The following SMURF2 variants were observed in gnomAD, a reference collection of about 807,000 sequenced individuals.
The protein encoded by SMURF2 is E3 ubiquitin-protein ligase SMURF2.
In SMURF2, 48 loss-of-function variants were observed where a neutral mutation model predicts 109.6. The observed-to-expected ratio is 0.44, with a 90% confidence interval of 0.35 to 0.56. The LOEUF is 0.56. Among genes scored for constraint, SMURF2 ranks in the 20% least tolerant of loss-of-function variants. SMURF2 has a pLI of 0.01. For synonymous variants in SMURF2, 288 were observed against 317.1 expected (o/e 0.91, Z 0.97); for missense variants, 575 against 909.0 (o/e 0.63, Z 4.72).
At chr17:64,616,642 G>C (rs531493288) in intron 1 of SMURF2, among the ~76,000 whole-genome samples, 38 of 146,374 alleles carry the variant, frequency 2.6e-4, no homozygotes, top group Admixed American at 5.6e-4. Context: ...ACGACAGTGC[G>C]AGACTCTGTC....
At position 64,658,875 on chromosome 17, in the gene SMURF2, G is replaced by C. The variant is rs1394401739; in HGVS notation, c.52+2954C>G. Among the ~76,000 whole-genome samples, 13 of 152,172 alleles carry C rather than the reference G, an allele frequency of 8.5e-5. 1 individual carries two copies. Among genetic ancestry groups the C allele is most frequent in the Admixed American group, 7.9e-4 (12 of 15,260 alleles). Reference sequence around the variant, plus strand: ...ATAGAAACAGTAGTTGAAGTTGATAGTGTTACCATACAGCCCATTTCAATG... The same window carrying C: ...ATAGAAACAGTAGTTGAAGTTGATACTGTTACCATACAGCCCATTTCAATG... On this transcript the variant is annotated intron_variant, in intron 1 of 18. Coordinates refer to ENST00000262435, the MANE Select transcript of SMURF2 (RefSeq NM_022739.4).
intron 16 of SMURF2, among the ~76,000 whole-genome samples, chr17:64,551,370 G>A (rs942378523): frequency 6.8e-6 from 1 of 146,562 alleles, no homozygotes; most frequent in Non-Finnish European, 1.5e-5. Flanking sequence ...AAAAAAAAAA[G>A]AGAGAGAGAG....
chr17:64,589,324 A>T (rs1246217076), intron 5 of SMURF2, among the ~76,000 whole-genome samples: 1 of 152,204 alleles, frequency 6.6e-6, no homozygotes. Context: ...GCATTATGTA[A>T]CATAACAAAT....
chr17:64,575,222 C>T (rs1465278236), intron 9 of SMURF2, among the ~76,000 whole-genome samples: 1 of 151,600 alleles, frequency 6.6e-6, no homozygotes, highest in African/African-American at 2.4e-5. Context: ...GGTGCGATCT[C>T]GGCTCACCAC....
rs1472251357 is a variant in SMURF2 at position 64,547,630 on chromosome 17, C to A, written c.2041G>T (p.Val681Leu). ...LLQFVTGSSR[V>L]PLQGFKALQG... ...AATGCTTTGAAGCCCTGCAGAGGCA[C>A]TCGAGAGGATCCTGTCACAAACTGA... The change falls in exon 17 of 19, where the codon GTG (valine) becomes TTG (leucine). Residue 681 changes from valine (V) to leucine (L), a missense_variant. Physicochemically the swap from Val to Leu is conservative, Grantham distance 32. Transcript: ENST00000262435. This position sits in a 1 kb window ranked among gnomAD's most constrained non-coding sequence, Gnocchi z 4.2. 1 of 1,613,856 alleles carries A rather than the reference C, an allele frequency of 6.2e-7. No homozygotes were observed. Among genetic ancestry groups the A allele is most frequent in the Non-Finnish European group, 8.5e-7 (1 of 1,180,012 alleles).
At chr17:64,600,522 AC>A (rs1251645512) in intron 2 of SMURF2, among the ~76,000 whole-genome samples, 4 of 152,326 alleles carry the variant, frequency 2.6e-5, no homozygotes, top group African/African-American at 9.6e-5. Context: ...TCAAGGACAG[AC>A]AAATCACCTA....
chr17:64,657,285 G>A (rs1287443166), intron 1 of SMURF2, among the ~76,000 whole-genome samples: 1 of 152,138 alleles, frequency 6.6e-6, no homozygotes, highest in Non-Finnish European at 1.5e-5. Flanking sequence ...AGTATTGCTA[G>A]GGGCGAGGGC....
chr17:64,598,503 A>T lies in SMURF2; in HGVS notation c.92-13T>A. 6.3e-7 allele frequency: 1 copy of T among 1,575,956 alleles called. No homozygotes were observed. The highest frequency in any genetic ancestry group is 8.6e-7 in the Non-Finnish European group (1 of 1,160,240). On this transcript the variant is annotated splice_polypyrimidine_tract_variant and intron_variant, in intron 2 of 18. Coordinates refer to ENST00000262435, the MANE Select transcript of SMURF2 (RefSeq NM_022739.4). ...GGATCAGGAAGTCCTGTGAAAAAAG[A>T]TTTTCTAAAATTAATAATTTGACAT... is the stretch of plus-strand genomic sequence containing the variant.
At chr17:64,550,757 CAAAAA>C (rs146307567) in intron 16 of SMURF2, among the ~76,000 whole-genome samples, 5,652 of 69,676 alleles carry the variant, frequency 0.081, 369 homozygotes, top group African/African-American at 0.21. Flanking sequence ...ACTCTGTCTC[CAAAAA>C]AAAAAAAAAA....
intron 1 of SMURF2, among the ~76,000 whole-genome samples, chr17:64,632,511 A>G (rs1212967311): frequency 1.3e-5 from 2 of 152,208 alleles, no homozygotes; most frequent in African/African-American, 4.8e-5. Context: ...AGCTGTGGGA[A>G]AGAGAGATGG....
intron 1 of SMURF2, among the ~76,000 whole-genome samples, chr17:64,660,188 A>T (rs11650900): frequency 0.9 from 136,668 of 152,224 alleles, 61,545 homozygotes; most frequent in East Asian, 0.97. Context: ...TCAAAAACCC[A>T]ATTTTTTCCC....
intron 5 of SMURF2, 98 bp downstream of exon 5, chr17:64,590,986 C>T: frequency 1.3e-6 from 1 of 757,838 alleles, no homozygotes; most frequent in East Asian, 2.9e-5. Flanking sequence ...CAGGCCAACA[C>T]AATGAAGCTA....
chr17:64,590,111 TGAA>T (rs1969728944), intron 5 of SMURF2, among the ~76,000 whole-genome samples: 1 of 151,788 alleles, frequency 6.6e-6, no homozygotes, highest in Non-Finnish European at 1.5e-5. Context: ...TGTTCTATCA[TGAA>T]GTGTGACATT....
chr17:64,546,235 G>A (rs782795258), intron 18 of SMURF2, 28 bp downstream of exon 18: 3 of 1,602,364 alleles, frequency 1.9e-6, no homozygotes, highest in Non-Finnish European at 2.6e-6. Flanking sequence ...TACATGGAAT[G>A]GGGAATACAG....
chr17:64,556,037 C>A, intron 13 of SMURF2, 39 bp from the exon 14 acceptor site: 1 of 1,418,572 alleles, frequency 7.0e-7, no homozygotes, highest in Non-Finnish European at 9.6e-7. Context: ...TTAGGCACTA[C>A]CCAGGAAAAT....
intron 12 of SMURF2, chr17:64,561,044 T>C (rs1323843304): frequency 6.6e-6 from 1 of 151,732 alleles, no homozygotes; most frequent in Non-Finnish European, 1.5e-5. Context: ...AGAAGCATTC[T>C]ACCTTCTGTA....
At chr17:64,546,522 G>C (rs1407798022) in intron 17 of SMURF2, among the ~76,000 whole-genome samples, 184 bp from the exon 18 acceptor site, 1 of 152,150 alleles carries the variant, frequency 6.6e-6, no homozygotes, top group African/African-American at 2.4e-5. Flanking sequence ...ATTAACCTTG[G>C]ATAAGGCTTA....
chr17:64,591,573 A>C (rs1256697286), intron 4 of SMURF2, among the ~76,000 whole-genome samples: 2 of 152,232 alleles, frequency 1.3e-5, no homozygotes, highest in Admixed American at 1.3e-4. Flanking sequence ...AAAAGTATTC[A>C]TAAGAAGCCA....
chr17:64,586,289 C>G, intron 5 of SMURF2, 119 bp from the exon 6 acceptor site: 1 of 550,166 alleles, frequency 1.8e-6, no homozygotes, highest in Non-Finnish European at 3.1e-6. Flanking sequence ...AGAATGAACT[C>G]TTTGGTTTCT....
Sources: allele counts gnomAD v4.1 joint callset (sites outside exome capture counted in the v4.1 genomes callset), GRCh38; gene constraint gnomAD v4.1.1; non-coding constraint Gnocchi (gnomAD v3.1); transcripts MANE v1.5; gene names NCBI Gene and HGNC (gene_info 2026-07-23, HGNC 2026-07-21).